Variants in TRABD2B observed in about 807,000 individuals in gnomAD.
TRABD2B encodes the protein metalloprotease TIKI2.
In TRABD2B, 14 loss-of-function variants were observed where a neutral mutation model predicts 40.1. That is an observed-to-expected ratio of 0.35 (90% CI 0.23 to 0.55). The LOEUF (loss-of-function observed/expected upper bound fraction) is 0.55. Ranked by LOEUF, TRABD2B falls within the 20% of genes least tolerant of loss-of-function variation. The probability of loss-of-function intolerance (pLI) is 0.90; values close to 1 mark genes in which losing one functional copy is unlikely to be tolerated. For missense variants in TRABD2B, 541 were observed against 648.6 expected, an observed-to-expected ratio of 0.83 and a Z score of 1.80; for synonymous variants, 263 against 277.0, an observed-to-expected ratio of 0.95 and a Z score of 0.50.
intron 2 of TRABD2B, among the ~76,000 whole-genome samples, chr1:47,917,688 T>G (rs750541550): frequency 6.6e-6 from 1 of 151,842 alleles, no homozygotes; most frequent in East Asian, 1.9e-4. Flanking sequence ...GAGCTATGAT[T>G]GCACCACTGC....
chr1:47,805,658 C>T (rs933642991), intron 2 of TRABD2B, among the ~76,000 whole-genome samples: 1 of 152,142 alleles, frequency 6.6e-6, no homozygotes, highest in East Asian at 1.9e-4. Flanking sequence ...CTGCCCCGTA[C>T]CATCATTTTG....
intron 2 of TRABD2B, among the ~76,000 whole-genome samples, chr1:47,853,273 C>T (rs1643852386): frequency 6.6e-6 from 1 of 152,214 alleles, no homozygotes; most frequent in Non-Finnish European, 1.5e-5. Context: ...CCCACCAACG[C>T]ACCCCGGCAT....
rs146732523 is a variant in TRABD2B at position 47,938,110 on chromosome 1, G to A, written c.666+55924C>T. Among the ~76,000 whole-genome samples the A allele has an allele frequency of 7.6e-3, 1,163 of 152,350 alleles. 26 individuals carry two copies. The highest frequency in any genetic ancestry group is 0.027 in the African/African-American group (1,125 of 41,578). Reference sequence around the variant, plus strand: ...GGCACAGGCCCACAGAACAAGGCCTGAGGGAAATTAGATGAGGCCAAAGGG... The same window carrying A: ...GGCACAGGCCCACAGAACAAGGCCTAAGGGAAATTAGATGAGGCCAAAGGG... On this transcript the variant is annotated intron_variant, in intron 2 of 6. Coordinates refer to ENST00000606738, the MANE Select transcript of TRABD2B (RefSeq NM_001194986.2).
At chr1:47,992,625 C>T (rs1046435187) in intron 2 of TRABD2B, among the ~76,000 whole-genome samples, 8 of 152,188 alleles carry the variant, frequency 5.3e-5, no homozygotes, top group African/African-American at 1.9e-4. Flanking sequence ...GGGCGGTGAG[C>T]GCCGGGGGTC....
chr1:47,786,991 C>T (rs1644604674), intron 4 of TRABD2B, among the ~76,000 whole-genome samples: 1 of 152,180 alleles, frequency 6.6e-6, no homozygotes, highest in African/African-American at 2.4e-5. Context: ...AAATGTGAGC[C>T]ACTGTGACTG....
chr1:47,767,388 T>C (rs1644319230), intron 6 of TRABD2B, among the ~76,000 whole-genome samples: 1 of 152,072 alleles, frequency 6.6e-6, no homozygotes, highest in Non-Finnish European at 1.5e-5. Context: ...CTGAAAGGCA[T>C]AGTGAATTTA....
chr1:47,790,242 C>T (rs1397348909), intron 4 of TRABD2B, among the ~76,000 whole-genome samples: 1 of 152,198 alleles, frequency 6.6e-6, no homozygotes, highest in Admixed American at 6.5e-5. Flanking sequence ...TCTTGGGGGG[C>T]TCTTGAGGCT....
chr1:47,806,526 C>T (rs1362270154), intron 2 of TRABD2B, among the ~76,000 whole-genome samples: 1 of 152,170 alleles, frequency 6.6e-6, no homozygotes, highest in African/African-American at 2.4e-5. Flanking sequence ...GAATAACAAA[C>T]ATCGGGTGAA....
At chr1:47,927,740 G>A (rs1187221565) in intron 2 of TRABD2B, among the ~76,000 whole-genome samples, 5 of 152,234 alleles carry the variant, frequency 3.3e-5, no homozygotes, top group Non-Finnish European at 7.3e-5. Context: ...CCCTGCAAGC[G>A]CTGTTCCTCT....
chr1:47,973,626 A>C (rs903307315), intron 2 of TRABD2B, among the ~76,000 whole-genome samples: 10 of 152,074 alleles, frequency 6.6e-5, no homozygotes, highest in African/African-American at 2.4e-4. Context: ...CAAGCAACCA[A>C]CAGTCATGTC....
At chr1:47,915,933 T>A (rs1644824674) in intron 2 of TRABD2B, among the ~76,000 whole-genome samples, 2 of 152,148 alleles carry the variant, frequency 1.3e-5, no homozygotes, top group Non-Finnish European at 2.9e-5. Flanking sequence ...GACACCTGTT[T>A]TTCATTGCTG....
At chr1:47,851,533 G>A (rs1275244866) in intron 2 of TRABD2B, among the ~76,000 whole-genome samples, 1 of 152,158 alleles carries the variant, frequency 6.6e-6, no homozygotes. Context: ...TGCTCAGTAA[G>A]AAATTTAGAT....
intron 2 of TRABD2B, among the ~76,000 whole-genome samples, chr1:47,940,177 G>A (rs949003050): frequency 1.6e-4 from 25 of 152,244 alleles, no homozygotes; most frequent in African/African-American, 3.9e-4. Context: ...TGTCCTATCC[G>A]TAAACTCTGA....
At chr1:47,877,901 A>G (rs532408224) in intron 2 of TRABD2B, among the ~76,000 whole-genome samples, 1 of 151,958 alleles carries the variant, frequency 6.6e-6, no homozygotes, top group East Asian at 1.9e-4. Flanking sequence ...CTGAGGCAGG[A>G]GGATCACTTG....
intron 3 of TRABD2B, chr1:47,795,536 CCT>C (rs1007593456): frequency 3.8e-5 from 17 of 442,330 alleles, no homozygotes; most frequent in African/African-American, 3.6e-4. Context: ...AGGCTCACCC[CCT>C]GTTCTGATGC....
Position 47,975,789 on chromosome 1 carries a change from T to C in TRABD2B, c.666+18245A>G, listed in dbSNP as rs573024777. On this transcript the variant is annotated intron_variant, in intron 2 of 6. Transcript: ENST00000606738. ...CAATACAAACTATAAATGGCAAATA[T>C]GTTCAGAGAAAACTGATCATGGAAG... 4.6e-5 allele frequency among the ~76,000 whole-genome samples: 7 copies of C among 152,266 alleles called. No individual in the cohort carries two copies. In the East Asian group the frequency reaches 1.2e-3, roughly 25 times the overall value.
At chr1:47,859,836 A>G (rs1370800273) in intron 2 of TRABD2B, among the ~76,000 whole-genome samples, 1 of 152,192 alleles carries the variant, frequency 6.6e-6, no homozygotes, top group Non-Finnish European at 1.5e-5. Flanking sequence ...TTGTATAATA[A>G]TGATCACTCC....
chr1:47,888,034 CT>C (rs1366123934), intron 2 of TRABD2B, among the ~76,000 whole-genome samples: 3 of 152,224 alleles, frequency 2.0e-5, no homozygotes, highest in Non-Finnish European at 4.4e-5. Context: ...CCATCCCTTT[CT>C]TTCCCCCCAT....
intron 2 of TRABD2B, among the ~76,000 whole-genome samples, chr1:47,850,738 G>A (rs1645538456): frequency 6.6e-6 from 1 of 152,200 alleles, no homozygotes; most frequent in African/African-American, 2.4e-5. Context: ...CTGCAGGTGG[G>A]CCCCTGCCCA....
Sources: gnomAD v4.1 joint callset for allele counts (sites outside exome capture counted in the v4.1 genomes callset) on GRCh38, gnomAD v4.1.1 for gene constraint, MANE v1.5 for transcripts, NCBI Gene and HGNC (gene_info 2026-07-23, HGNC 2026-07-21) for gene names.